The following CNPY1 variants were observed in gnomAD, a reference collection of about 807,000 sequenced individuals.
CNPY1 encodes the protein canopy FGF signaling regulator 1.
In CNPY1, 14 loss-of-function variants were observed where a neutral mutation model predicts 14.4. The ratio of observed to expected loss-of-function variants is 0.97; its 90% confidence interval spans 0.64 to 1.52. CNPY1 has a LOEUF of 1.52. Ranked by LOEUF, CNPY1 falls within the 40% of genes most tolerant of loss-of-function variation. The pLI is 0.00. For missense variants in CNPY1, 129 were observed against 131.5 expected, an observed-to-expected ratio of 0.98 and a Z score of 0.09; for synonymous variants, 43 against 46.5, an observed-to-expected ratio of 0.92 and a Z score of 0.31.
At chr7:155,514,838 G>A (rs1395648408) in intron 2 of CNPY1, among the ~76,000 whole-genome samples, 1 of 152,142 alleles carries the variant, frequency 6.6e-6, no homozygotes, top group Non-Finnish European at 1.5e-5. Context: ...AGGTTGCGGT[G>A]AGCCGAGATC....
At chr7:155,519,459 T>A (rs1463522969) in intron 2 of CNPY1, among the ~76,000 whole-genome samples, 1 of 151,802 alleles carries the variant, frequency 6.6e-6, no homozygotes, top group Non-Finnish European at 1.5e-5. Flanking sequence ...AGGTCAAGGC[T>A]GTGGTGGACC....
intron 2 of CNPY1, among the ~76,000 whole-genome samples, chr7:155,527,188 A>G (rs1796842112): frequency 6.6e-6 from 1 of 150,654 alleles, no homozygotes; most frequent in Non-Finnish European, 1.5e-5. Context: ...AGTAGCTGGG[A>G]CTACAGGCAC....
chr7:155,509,233 G>A (rs1179768839), intron 2 of CNPY1, 136 bp from the exon 3 acceptor site: 126 of 556,142 alleles, frequency 2.3e-4, no homozygotes, highest in Non-Finnish European at 3.4e-4. Flanking sequence ...GGGCCCAGAA[G>A]ACGGTACCGC....
intron 2 of CNPY1, among the ~76,000 whole-genome samples, chr7:155,540,960 A>C (rs576791512): frequency 3.9e-5 from 6 of 152,350 alleles, no homozygotes; most frequent in Admixed American, 1.3e-4. Context: ...GAAAGGTGCC[A>C]TTAATCCAAT....
At chr7:155,517,285 C>T (rs577086745) in intron 2 of CNPY1, among the ~76,000 whole-genome samples, 91 of 152,150 alleles carry the variant, frequency 6.0e-4, no homozygotes, top group African/African-American at 1.9e-3. Flanking sequence ...CATGTGAGGA[C>T]GCAGAGGGAA....
intron 2 of CNPY1, among the ~76,000 whole-genome samples, chr7:155,514,631 A>G (rs1796582543): frequency 6.6e-6 from 1 of 152,218 alleles, no homozygotes; most frequent in Non-Finnish European, 1.5e-5. Context: ...GCAGTGGCTC[A>G]CACCTGTAAT....
rs191137445 is a variant in CNPY1, at chr7:155,501,381, T to C, written c.*1687A>G. On this transcript the variant is annotated 3_prime_UTR_variant, in exon 5 of 5. Transcript: ENST00000636446. The stretch of plus-strand genomic sequence containing the variant: ...TGTTAGCATTGCCTACATTTGAGAA[T>C]GTTTGATGATGATCAAAGAGAGTAT... The C allele has an allele frequency of 1.3e-5, 2 of 152,334 alleles. No homozygotes were observed. Among genetic ancestry groups the C allele is most frequent in the Admixed American group, 1.3e-4 (2 of 15,300 alleles). 9.4% of individuals were successfully genotyped at this position (152,334 alleles called of 1,614,324 possible).
intron 2 of CNPY1, among the ~76,000 whole-genome samples, chr7:155,509,760 T>C (rs1291919934): frequency 6.6e-6 from 1 of 152,184 alleles, no homozygotes; most frequent in Non-Finnish European, 1.5e-5. Context: ...CCTCGGCTGC[T>C]TTCTTTGGGA....
At chr7:155,539,643 C>A (rs934799351) in intron 2 of CNPY1, among the ~76,000 whole-genome samples, 1 of 152,184 alleles carries the variant, frequency 6.6e-6, no homozygotes, top group African/African-American at 2.4e-5. Context: ...TTCCCTTCTG[C>A]TCCCTGTGAA....
chr7:155,507,497 A>AAAAAAAAAAAAAAAAAAAAAAAAAAAC (rs1796366085), intron 3 of CNPY1, among the ~76,000 whole-genome samples: 1 of 147,294 alleles, frequency 6.8e-6, no homozygotes, highest in African/African-American at 2.5e-5. Context: ...AAAAAAAAAA[A>AAAAAAAAAAAAAAAAAAAAAAAAAAAC]AAGAAGACCA....
At chr7:155,514,992 C>T (rs188770087) in intron 2 of CNPY1, among the ~76,000 whole-genome samples, 2 of 152,304 alleles carry the variant, frequency 1.3e-5, no homozygotes, top group Non-Finnish European at 2.9e-5. Context: ...GGAAATTCTG[C>T]GTGCTTCATC....
intron 2 of CNPY1, among the ~76,000 whole-genome samples, chr7:155,545,492 A>C (rs1797147772): frequency 6.6e-6 from 1 of 152,136 alleles, no homozygotes; most frequent in Non-Finnish European, 1.5e-5. Context: ...CCAGGAGAGG[A>C]CTATTCTGCT....
At chr7:155,542,154 T>C (rs1017700172) in intron 2 of CNPY1, among the ~76,000 whole-genome samples, 10 of 150,500 alleles carry the variant, frequency 6.6e-5, no homozygotes, top group Non-Finnish European at 1.3e-4. Flanking sequence ...TGAGAGCTGA[T>C]TCCCTCCCTG....
intron 4 of CNPY1, among the ~76,000 whole-genome samples, chr7:155,505,944 A>G (rs1796291460): frequency 6.6e-6 from 1 of 152,214 alleles, no homozygotes; most frequent in South Asian, 2.1e-4. Context: ...CAACCCAATT[A>G]TCTACTCAGA....
chr7:155,517,034 A>C lies in CNPY1; in HGVS notation c.100-7937T>G, dbSNP rs565395031. 9.2e-5 allele frequency among the ~76,000 whole-genome samples: 14 copies of C among 152,282 alleles called. No individual in the cohort carries two copies. In the East Asian group the frequency reaches 1.9e-3, roughly 21 times the overall value. On this transcript the variant is annotated intron_variant, in intron 2 of 4. Coordinates refer to ENST00000636446, the MANE Select transcript of CNPY1 (RefSeq NM_001393663.1). ...AATCAACTTCTGCAGCAGCTGCTGC[A>C]TGTGCCGTGCCCTCCACAAATGACC...
chr7:155,503,045 C>G lies in CNPY1; in HGVS notation c.*23G>C, dbSNP rs774267283. The G allele has an allele frequency of 1.9e-6, 3 of 1,607,864 alleles. No homozygotes were observed. The highest frequency in any genetic ancestry group is 2.5e-6 in the Non-Finnish European group (3 of 1,177,276). ...CCTTTGGGTGTGACTTTACTCCTCTCTACGACCAGCAGAACGGCACTCCTA... is the reference window on the plus strand; with the variant it reads ...CCTTTGGGTGTGACTTTACTCCTCTGTACGACCAGCAGAACGGCACTCCTA... On this transcript the variant is annotated 3_prime_UTR_variant, in exon 5 of 5. Coordinates refer to ENST00000636446, the MANE Select transcript of CNPY1 (RefSeq NM_001393663.1).
chr7:155,507,466 T>A (rs1428090309), intron 3 of CNPY1, among the ~76,000 whole-genome samples: 1 of 28,830 alleles, frequency 3.5e-5, no homozygotes, highest in Admixed American at 4.1e-4. Flanking sequence ...CAACGGTTTT[T>A]AAACTAAAAA....
At chr7:155,503,565 C>G (rs1481975961) in intron 4 of CNPY1, among the ~76,000 whole-genome samples, 2 of 152,094 alleles carry the variant, frequency 1.3e-5, no homozygotes, top group African/African-American at 2.4e-5. Context: ...ATTACTTTAG[C>G]TACATAACTT....
In CNPY1 at chr7:155,507,070, A is replaced by G. The variant is rs555672987; in HGVS notation, c.350T>C (p.Ile117Thr). 2 of 1,612,648 alleles carry G rather than the reference A, an allele frequency of 1.2e-6. No homozygotes were observed. The highest frequency in any genetic ancestry group is 1.1e-5 in the South Asian group (1 of 91,034). The change falls in exon 4 of 5, where the codon ATC (isoleucine) becomes ACC (threonine). Residue 117 changes from isoleucine to threonine, a missense_variant. Coordinates refer to ENST00000636446, the MANE Select transcript of CNPY1 (RefSeq NM_001393663.1). ...AGCTAGATAGTGTGTCTCCTGGGCG[A>G]TAAGTGAGGATATTTCATCTTCATA... is the stretch of plus-strand genomic sequence containing the variant. ...EEYEDEISSLIAQETHYLADK... is the reference protein window; with the variant it reads ...EEYEDEISSLTAQETHYLADK...
Sources: gnomAD v4.1 joint callset for allele counts (sites outside exome capture counted in the v4.1 genomes callset) on GRCh38, gnomAD v4.1.1 for gene constraint, MANE v1.5 for transcripts, NCBI Gene and HGNC (gene_info 2026-07-23, HGNC 2026-07-21) for gene names.